ANK2: variants seen among roughly 807,000 people sequenced by gnomAD.
The protein encoded by ANK2 is ankyrin 2.
A neutral mutation model predicts 360.5 loss-of-function variants in ANK2; 83 were observed. The ratio of observed to expected loss-of-function variants is 0.23; its 90% CI spans 0.19 to 0.28. ANK2 has a LOEUF of 0.28. Ranked by LOEUF, ANK2 falls within the 10% of genes least tolerant of loss-of-function variation. The probability of loss-of-function intolerance (pLI) is 1.00; values close to 1 mark genes in which losing one functional copy is unlikely to be tolerated. For missense variants in ANK2, 4,201 were observed against 4,795.7 expected, an observed-to-expected ratio of 0.88 and a Z score of 3.66; for synonymous variants, 1,740 against 1,759.5, an observed-to-expected ratio of 0.99 and a Z score of 0.28.
chr4:113,151,213 T>C (rs545547788), intron 1 of ANK2: 1 of 1,113,642 alleles, frequency 9.0e-7, no homozygotes, highest in Non-Finnish European at 1.2e-6. Flanking sequence ...AAAAAAGGAA[T>C]GTACCCTTAC....
rs192744112 is a variant in ANK2 at position 113,156,945 on chromosome 4, A to G, written c.85-17471A>G. On this transcript the variant is annotated intron_variant, in intron 1 of 45. Coordinates refer to ENST00000357077, the MANE Select transcript of ANK2 (RefSeq NM_001148.6). ...CTAGGGAAGGCTATATTTTACATAT[A>G]TATCCTTTTTAAGAGAAGGGAGATT... Among the ~76,000 whole-genome samples the G allele has an allele frequency of 1.2e-4, 19 of 152,086 alleles. No homozygotes were observed. The East Asian group carries it at 3.5e-3, about 28-fold the overall frequency.
intron 4 of ANK2, among the ~76,000 whole-genome samples, chr4:113,222,606 G>C (rs1028244745): frequency 1.3e-5 from 2 of 152,092 alleles, no homozygotes; most frequent in African/African-American, 4.8e-5. Context: ...TTAGGGTTCA[G>C]ATCTTGGTCT....
intron 9 of ANK2, among the ~76,000 whole-genome samples, chr4:113,248,211 C>T (rs765673541): frequency 1.3e-5 from 2 of 152,054 alleles, no homozygotes; most frequent in Non-Finnish European, 2.9e-5. Context: ...CAAATTTGAT[C>T]ATTTGATTAG....
intron 2 of ANK2, among the ~76,000 whole-genome samples, chr4:113,178,815 T>C (rs1186468211): frequency 6.6e-6 from 1 of 152,142 alleles, no homozygotes; most frequent in African/African-American, 2.4e-5. Context: ...ATGTAGAAAC[T>C]GGGCCCACAG....
At chr4:112,915,684 G>A (rs2089506692) in intron 2 of ANK2, among the ~76,000 whole-genome samples, 1 of 151,724 alleles carries the variant, frequency 6.6e-6, no homozygotes, top group Non-Finnish European at 1.5e-5. Flanking sequence ...GAGCCTGGGA[G>A]GATGAGGCTG....
chr4:113,363,619 C>A (rs2096365714), intron 40 of ANK2, 150 bp downstream of exon 40: 8 of 858,932 alleles, frequency 9.3e-6, no homozygotes, highest in Non-Finnish European at 1.5e-5. Flanking sequence ...TGTTCAGTGT[C>A]ATTTCCTTAT....
chr4:112,834,300 G>A (rs2060518752), intron 1 of ANK2, among the ~76,000 whole-genome samples: 1 of 152,132 alleles, frequency 6.6e-6, no homozygotes, highest in African/African-American at 2.4e-5. Flanking sequence ...GAAGCATCTT[G>A]AAATATTTAT....
chr4:113,359,647 C>T (rs1180714444), intron 38 of ANK2, among the ~76,000 whole-genome samples: 1 of 152,136 alleles, frequency 6.6e-6, no homozygotes, highest in Non-Finnish European at 1.5e-5. Context: ...CACTTTTGCA[C>T]ATAAATATAT....
intron 1 of ANK2, among the ~76,000 whole-genome samples, chr4:113,052,098 C>T (rs2067316257): frequency 6.6e-6 from 1 of 152,182 alleles, no homozygotes; most frequent in South Asian, 2.1e-4. Context: ...TTGAGATTTA[C>T]ATAAATGTAC....
chr4:112,753,116 C>A, the ANK2 span, among the ~76,000 whole-genome samples: 1 of 152,218 alleles, frequency 6.6e-6, no homozygotes, highest in Non-Finnish European at 1.5e-5. Context: ...GAGCCTCAGG[C>A]CATTTCCTTC....
intron 1 of ANK2, among the ~76,000 whole-genome samples, chr4:113,101,776 T>A (rs1326724987): frequency 6.6e-6 from 1 of 152,112 alleles, no homozygotes; most frequent in Non-Finnish European, 1.5e-5. Context: ...CAAGGAGACC[T>A]GGTTTGGCTT....
intron 1 of ANK2, among the ~76,000 whole-genome samples, chr4:113,108,841 A>G (rs1420164680): frequency 6.6e-6 from 1 of 152,186 alleles, no homozygotes; most frequent in Non-Finnish European, 1.5e-5. Flanking sequence ...TTTCATAAAA[A>G]GCTTTTAATT....
At chr4:113,037,931 T>C (rs2061960765) in intron 2 of ANK2, among the ~76,000 whole-genome samples, 1 of 152,066 alleles carries the variant, frequency 6.6e-6, no homozygotes, top group Non-Finnish European at 1.5e-5. Flanking sequence ...TAATAAACTT[T>C]CTTCCAACTC....
rs539945518 is a variant in ANK2 at position 112,884,442 on chromosome 4, G to A, written c.-39-20013G>A. ...GTGTTCCAATAAAACTTTTTTATGG[G>A]TGTTAAAATTTGAATTTCATATCAT... On this transcript the variant is annotated intron_variant, in intron 1 of 30. Coordinates refer to the ANK2 transcript ENST00000503271. Among the ~76,000 whole-genome samples the A allele has an allele frequency of 2.6e-5, 4 of 152,214 alleles. No individual in the cohort carries two copies. In the East Asian group the frequency reaches 7.7e-4, roughly 29 times the overall value.
the ANK2 span, among the ~76,000 whole-genome samples, chr4:112,783,134 T>G: frequency 6.6e-6 from 1 of 151,994 alleles, no homozygotes; most frequent in African/African-American, 2.4e-5. Flanking sequence ...GGTCTCGAGC[T>G]CCTGACCTCG....
rs1363338483 is a variant in ANK2 at position 113,292,461 on chromosome 4, C to G, written c.2323C>G (p.His775Asp). ...LHQAAQQGHT[H>D]IINVLLQHGA... is the part of the protein sequence containing the mutation. ...CCAGGCCGCTCAGCAGGGTCACACG[C>G]ACATCATCAACGTCCTGCTCCAGCA... The change falls in exon 21 of 46, where the codon CAC becomes GAC. Residue 775 changes from histidine (H) to aspartate (D), a missense_variant. Transcript: ENST00000357077. 2 of 1,611,980 alleles carry G rather than the reference C, an allele frequency of 1.2e-6. No individual in the cohort carries two copies. The highest frequency in any genetic ancestry group is 1.7e-6 in the Non-Finnish European group (2 of 1,179,002).
intron 7 of ANK2, among the ~76,000 whole-genome samples, chr4:113,239,976 A>C (rs1245542263): frequency 2.6e-5 from 4 of 152,226 alleles, no homozygotes; most frequent in African/African-American, 7.2e-5. Flanking sequence ...ATGTGGAACA[A>C]ATTCTATATC....
At chr4:112,951,469 TGAAAA>T (rs1241843967) in intron 2 of ANK2, among the ~76,000 whole-genome samples, 2 of 152,242 alleles carry the variant, frequency 1.3e-5, no homozygotes, top group Admixed American at 6.5e-5. Context: ...ATGATTCAAA[TGAAAA>T]GAAAACAGTT....
the ANK2 span, among the ~76,000 whole-genome samples, chr4:112,779,817 A>T: frequency 1.3e-5 from 2 of 152,196 alleles, no homozygotes; most frequent in Non-Finnish European, 2.9e-5. Flanking sequence ...AGAGCCTGAC[A>T]TTCTGGTTTC....
Sources: gnomAD v4.1 joint callset for allele counts (sites outside exome capture counted in the v4.1 genomes callset) on GRCh38, gnomAD v4.1.1 for gene constraint, MANE v1.5 for transcripts, NCBI Gene and HGNC (gene_info 2026-07-23, HGNC 2026-07-21) for gene names.